SDK2: variants seen among roughly 807,000 people sequenced by gnomAD.
SDK2 encodes the protein protein sidekick-2.
In SDK2, 105 loss-of-function variants were observed where a neutral mutation model predicts 253.9. That is an observed-to-expected ratio of 0.41 (90% CI 0.35 to 0.49). The LOEUF (loss-of-function observed/expected upper bound fraction) is 0.49, where lower values mean the gene tolerates loss of function less well. SDK2 is among the 20% of genes least tolerant of loss of function. The pLI is 0.06. For missense variants in SDK2, 2,608 were observed against 3,003.0 expected (o/e 0.87, Z 3.07); for synonymous variants, 1,249 against 1,234.9 (o/e 1.01, Z -0.24).
Position 73,639,372 on chromosome 17 carries a change from T to C in SDK2, c.64+4653A>G, listed in dbSNP as rs1445182242. ...TTCCCCCGGGGATGCTGAGCATCCC[T>C]GCTCAACGCTGCTCACTGGCTCTGC... On this transcript the variant is annotated intron_variant, in intron 1 of 44. Transcript: ENST00000392650. The surrounding 1 kb of genome is among the most constrained non-coding windows in gnomAD (Gnocchi z 4.3). Among the ~76,000 whole-genome samples the C allele has an allele frequency of 2.0e-5, 3 of 152,162 alleles. No individual in the cohort carries two copies. Among genetic ancestry groups the C allele is most frequent in the Admixed American group, 6.5e-5 (1 of 15,282 alleles).
At chr17:73,358,504 G>A (rs145012700) in intron 39 of SDK2, among the ~76,000 whole-genome samples, 86 of 152,282 alleles carry the variant, frequency 5.6e-4, no homozygotes, top group African/African-American at 1.9e-3. Flanking sequence ...AGCCCAGAAC[G>A]TGTTAGATGG....
intron 5 of SDK2, among the ~76,000 whole-genome samples, chr17:73,441,403 A>G (rs1265223130): frequency 6.6e-6 from 1 of 152,094 alleles, no homozygotes; most frequent in Non-Finnish European, 1.5e-5. Flanking sequence ...ATGTGACCTT[A>G]TTTGCATATA....
chr17:73,351,483 T>A (rs2062538062), intron 41 of SDK2, among the ~76,000 whole-genome samples: 1 of 152,096 alleles, frequency 6.6e-6, no homozygotes, highest in Non-Finnish European at 1.5e-5. Flanking sequence ...TGGGGAAAGG[T>A]GCTTCTCTGG....
chr17:73,585,495 C>A (rs1035280822), intron 1 of SDK2, among the ~76,000 whole-genome samples: 1 of 152,194 alleles, frequency 6.6e-6, no homozygotes, highest in Non-Finnish European at 1.5e-5. Flanking sequence ...TGAGTAGGTG[C>A]TGCGGGTCTG....
intron 1 of SDK2, among the ~76,000 whole-genome samples, chr17:73,531,094 C>T (rs377686157): frequency 8.9e-4 from 135 of 152,280 alleles, no homozygotes; most frequent in African/African-American, 3.2e-3. Context: ...CTTTCTGCTC[C>T]GATCTTCCTT....
At chr17:73,631,440 C>T (rs371434073) in intron 1 of SDK2, among the ~76,000 whole-genome samples, 9 of 152,348 alleles carry the variant, frequency 5.9e-5, no homozygotes, top group Admixed American at 2.0e-4. Context: ...CACCGGGCAC[C>T]GTCTCAGGGC....
rs375496820 is a variant in SDK2 at position 73,395,398 on chromosome 17, G to T, written c.3355-6C>A. 2.5e-6 allele frequency: 4 copies of T among 1,612,236 alleles called. No individual in the cohort carries two copies. Among genetic ancestry groups the T allele is most frequent in the African/African-American group, 1.3e-5 (1 of 74,874 alleles). Reference sequence around the variant, plus strand: ...TATTCCATCTCCGGGAGAGGCTGCAGCGGGGCAGGGGTGGCAAAGCTGCTA... The same window carrying T: ...TATTCCATCTCCGGGAGAGGCTGCATCGGGGCAGGGGTGGCAAAGCTGCTA... On this transcript the variant is annotated splice_polypyrimidine_tract_variant and splice_region_variant and intron_variant, in intron 24 of 44. Coordinates refer to ENST00000392650, the MANE Select transcript of SDK2 (RefSeq NM_001144952.2). The surrounding 1 kb of genome is among the most constrained non-coding windows in gnomAD (Gnocchi z 4.3).
chr17:73,497,050 C>A (rs1209792283), intron 2 of SDK2, among the ~76,000 whole-genome samples: 3 of 152,224 alleles, frequency 2.0e-5, no homozygotes, highest in African/African-American at 7.2e-5. Context: ...GCACGAGCCA[C>A]CACACCTGGC....
At position 73,415,941 on chromosome 17, in the gene SDK2, A is replaced by G. The variant is rs757761833; in HGVS notation, c.2238T>C (p.Asp746=). The change falls in exon 17 of 45, where the codon GAT becomes GAC. Residue 746 remains aspartate (D), a synonymous_variant. Transcript: ENST00000392650. Reference sequence around the variant, plus strand: ...CCAGCAGCAGGTTGTTCACATCAGCATCCGTGATGTTCTTAAACTGGTACC... The same window carrying G: ...CCAGCAGCAGGTTGTTCACATCAGCGTCCGTGATGTTCTTAAACTGGTACC... ...PVGYQFKNIT[D]ADVNNLLLED... is the part of the protein sequence containing the mutation. 4.3e-6 allele frequency: 7 copies of G among 1,611,606 alleles called. No individual in the cohort carries two copies. The highest frequency in any genetic ancestry group is 5.9e-6 in the Non-Finnish European group (7 of 1,179,106).
intron 1 of SDK2, among the ~76,000 whole-genome samples, chr17:73,510,851 T>C (rs1384572537): frequency 6.6e-6 from 1 of 152,216 alleles, no homozygotes; most frequent in Non-Finnish European, 1.5e-5. Flanking sequence ...TTTCCATTGC[T>C]CTTAACAAGC....
intron 1 of SDK2, among the ~76,000 whole-genome samples, chr17:73,540,713 C>G (rs2044855140): frequency 6.6e-6 from 1 of 152,188 alleles, no homozygotes; most frequent in Non-Finnish European, 1.5e-5. Flanking sequence ...CTGAGGCTAG[C>G]TAGGAGGGGT....
chr17:73,543,891 C>T (rs2044912335), intron 1 of SDK2, among the ~76,000 whole-genome samples: 1 of 152,188 alleles, frequency 6.6e-6, no homozygotes, highest in Non-Finnish European at 1.5e-5. Context: ...AGACACTCAT[C>T]ACGGGGAAGA....
intron 1 of SDK2, among the ~76,000 whole-genome samples, chr17:73,605,408 G>A (rs1189825501): frequency 6.6e-6 from 1 of 152,144 alleles, no homozygotes. Flanking sequence ...GAAAGCACAG[G>A]GGGTGGAAAA....
intron 16 of SDK2, among the ~76,000 whole-genome samples, chr17:73,417,514 G>A (rs961146321): frequency 2.0e-5 from 3 of 152,152 alleles, no homozygotes; most frequent in African/African-American, 4.8e-5. Flanking sequence ...AGTAACCAGA[G>A]CTAGCTAATG....
rs1568365915 is a variant in SDK2 at position 73,361,946 on chromosome 17, T to A, written c.5306-101A>T. On this transcript the variant is annotated intron_variant, in intron 38 of 44. Coordinates refer to ENST00000392650, the MANE Select transcript of SDK2 (RefSeq NM_001144952.2). This position sits in a 1 kb window ranked among gnomAD's most constrained non-coding sequence, Gnocchi z 4.1. ...GGCCGTGGCCTGGGCCCCGGGACCC[T>A]GGGTAGGGGCCTCACTCCTTGAGGT... 1 of 1,182,300 alleles carries A rather than the reference T, an allele frequency of 8.5e-7. No individual in the cohort carries two copies. Among genetic ancestry groups the A allele is most frequent in the Non-Finnish European group, 1.2e-6 (1 of 858,072 alleles). 73.2% of individuals were successfully genotyped at this position (1,182,300 alleles called of 1,614,324 possible).
intron 28 of SDK2, among the ~76,000 whole-genome samples, chr17:73,390,718 G>A (rs1566296): frequency 0.52 from 79,685 of 152,018 alleles, 22,100 homozygotes; most frequent in East Asian, 0.72. Flanking sequence ...CAGTGTCTGT[G>A]ACCCCCGTAA....
intron 1 of SDK2, among the ~76,000 whole-genome samples, chr17:73,548,472 C>G (rs1232315336): frequency 6.6e-6 from 1 of 152,262 alleles, no homozygotes; most frequent in African/African-American, 2.4e-5. Context: ...TTCCTAGGCA[C>G]AGGATGATTA....
At chr17:73,424,178 A>G in intron 12 of SDK2, 86 bp from the exon 13 acceptor site, 1 of 1,158,894 alleles carries the variant, frequency 8.6e-7, no homozygotes, top group South Asian at 1.5e-5. Flanking sequence ...CCGAGAAAAT[A>G]GCTCCAAAGC....
chr17:73,402,602 C>T (rs889336662), intron 18 of SDK2, among the ~76,000 whole-genome samples: 5 of 152,012 alleles, frequency 3.3e-5, no homozygotes, highest in Non-Finnish European at 7.4e-5. Flanking sequence ...CCCATGAAGC[C>T]GGCCCTGTAT....
Sources: allele counts gnomAD v4.1 joint callset (sites outside exome capture counted in the v4.1 genomes callset), GRCh38; gene constraint gnomAD v4.1.1; non-coding constraint Gnocchi (gnomAD v3.1); transcripts MANE v1.5; gene names NCBI Gene and HGNC (gene_info 2026-07-23, HGNC 2026-07-21).